The following SLC39A10 variants were observed in gnomAD, a reference collection of about 807,000 sequenced individuals.
The protein encoded by SLC39A10 is solute carrier family 39 member 10.
A neutral mutation model predicts 65.1 loss-of-function variants in SLC39A10; 13 were observed. The observed-to-expected ratio is 0.20, with a 90% CI of 0.13 to 0.32. The LOEUF is 0.32. SLC39A10 is among the 10% of genes least tolerant of loss of function. The probability of loss-of-function intolerance (pLI) is 1.00; values close to 1 mark genes in which losing one functional copy is unlikely to be tolerated. For synonymous variants in SLC39A10, 321 were observed against 342.2 expected (o/e 0.94, Z 0.68); for missense variants, 831 against 1,018.4 (o/e 0.82, Z 2.50).
chr2:195,654,666 G>A (rs1170389150), upstream of SLC39A10, among the ~76,000 whole-genome samples: 1 of 152,076 alleles, frequency 6.6e-6, no homozygotes, highest in East Asian at 1.9e-4. Flanking sequence ...CAAGTGAGGT[G>A]GCTGGAAAAA....
At chr2:195,630,850 C>T (rs1359838058) in intron 2 of SLC39A10, among the ~76,000 whole-genome samples, 1 of 152,186 alleles carries the variant, frequency 6.6e-6, no homozygotes, top group East Asian at 1.9e-4. Flanking sequence ...CTAATTAAAA[C>T]ACCAAACATA....
intron 2 of SLC39A10, among the ~76,000 whole-genome samples, chr2:195,624,622 C>A (rs1422064945): frequency 1.3e-5 from 2 of 150,998 alleles, no homozygotes; most frequent in African/African-American, 2.4e-5. Context: ...CTTCTGTAAT[C>A]CCAGCACTTT....
At chr2:195,635,261 G>A (rs959481488) in intron 2 of SLC39A10, among the ~76,000 whole-genome samples, 1 of 152,178 alleles carries the variant, frequency 6.6e-6, no homozygotes, top group African/African-American at 2.4e-5. Flanking sequence ...GTTAAAAGAA[G>A]AACCTTTCCT....
intron 2 of SLC39A10, among the ~76,000 whole-genome samples, chr2:195,616,274 C>A (rs1688204807): frequency 6.6e-6 from 1 of 151,138 alleles, no homozygotes; most frequent in Non-Finnish European, 1.5e-5. Context: ...AGATTTTAAA[C>A]TGATATTTTA....
intron 2 of SLC39A10, among the ~76,000 whole-genome samples, chr2:195,622,508 G>T (rs1363550863): frequency 6.6e-6 from 1 of 152,228 alleles, no homozygotes; most frequent in Non-Finnish European, 1.5e-5. Flanking sequence ...AATATTTTCT[G>T]TTTGAGGCCA....
chr2:195,662,000 G>A (rs1292420803), intron 1 of SLC39A10, among the ~76,000 whole-genome samples: 1 of 152,206 alleles, frequency 6.6e-6, no homozygotes, highest in South Asian at 2.1e-4. Context: ...GACTTTGGGG[G>A]ACAGCCCATC....
intron 1 of SLC39A10, among the ~76,000 whole-genome samples, chr2:195,671,009 A>G (rs1306047118): frequency 6.6e-6 from 1 of 152,186 alleles, no homozygotes; most frequent in Non-Finnish European, 1.5e-5. Context: ...GTGAAGTGCA[A>G]CCATGTACCC....
chr2:195,730,827 C>T (rs1456198148), intron 9 of SLC39A10, among the ~76,000 whole-genome samples: 3 of 152,202 alleles, frequency 2.0e-5, no homozygotes, highest in African/African-American at 7.2e-5. Flanking sequence ...AAGTCTCCAT[C>T]TCAGAAATGA....
At chr2:195,709,233 ATG>A (rs2105815010) in intron 5 of SLC39A10, among the ~76,000 whole-genome samples, 2 of 151,634 alleles carry the variant, frequency 1.3e-5, no homozygotes, top group East Asian at 3.9e-4. Context: ...GTATGTATGT[ATG>A]TATGTATGTA....
intron 2 of SLC39A10, among the ~76,000 whole-genome samples, chr2:195,683,445 C>T (rs1024398164): frequency 6.6e-6 from 1 of 151,942 alleles, no homozygotes; most frequent in East Asian, 1.9e-4. Flanking sequence ...TCATCCTTAT[C>T]CATGACAGAA....
intron 1 of SLC39A10, among the ~76,000 whole-genome samples, chr2:195,662,622 T>C (rs1689451330): frequency 6.6e-6 from 1 of 152,194 alleles, no homozygotes; most frequent in African/African-American, 2.4e-5. Flanking sequence ...ATTTCAGATA[T>C]TCCTTGCCTT....
intron 1 of SLC39A10, among the ~76,000 whole-genome samples, chr2:195,661,427 C>A (rs1689394614): frequency 6.6e-6 from 1 of 152,042 alleles, no homozygotes; most frequent in Non-Finnish European, 1.5e-5. Context: ...TATATAGAGA[C>A]AAGGATCTTG....
At chr2:195,661,915 T>C (rs544136412) in intron 1 of SLC39A10, among the ~76,000 whole-genome samples, 1 of 152,338 alleles carries the variant, frequency 6.6e-6, no homozygotes, top group Admixed American at 6.5e-5. Context: ...TTTTAGATAC[T>C]GCTGAAAGGG....
chr2:195,640,068 G>A (rs1393465781), intron 2 of SLC39A10, among the ~76,000 whole-genome samples: 1 of 152,180 alleles, frequency 6.6e-6, no homozygotes, highest in African/African-American at 2.4e-5. Context: ...TTTGGGAGCT[G>A]TTTCAATTGG....
rs1208636369 is a variant in SLC39A10, at chr2:195,703,042, C to G, written c.1217-3574C>G. Among the ~76,000 whole-genome samples, 5 of 152,138 alleles carry G rather than the reference C, an allele frequency of 3.3e-5. No individual in the cohort carries two copies. The East Asian group carries it at 9.6e-4, about 29-fold the overall frequency. On this transcript the variant is annotated intron_variant, in intron 3 of 9. Coordinates refer to ENST00000359634, the MANE Select transcript of SLC39A10 (RefSeq NM_020342.3). ...ATTCTTCTTTCAGAGATTCACATTGCTTATTAAACTGTTAGAGGCTCTGAA... is the reference window on the plus strand; with the variant it reads ...ATTCTTCTTTCAGAGATTCACATTGGTTATTAAACTGTTAGAGGCTCTGAA...
chr2:195,687,274 T>C (rs560578194), intron 3 of SLC39A10, among the ~76,000 whole-genome samples: 1 of 152,274 alleles, frequency 6.6e-6, no homozygotes, highest in Non-Finnish European at 1.5e-5. Flanking sequence ...CAGAGAAAAA[T>C]GGAGACTGAC....
intron 8 of SLC39A10, among the ~76,000 whole-genome samples, chr2:195,721,087 G>A (rs181958505): frequency 6.8e-4 from 104 of 152,056 alleles, no homozygotes; most frequent in Admixed American, 2.9e-3. Context: ...GACTACAGGC[G>A]TGCACCACCA....
chr2:195,687,557 T>C (rs763554560), intron 3 of SLC39A10, among the ~76,000 whole-genome samples: 3 of 152,214 alleles, frequency 2.0e-5, no homozygotes, highest in Non-Finnish European at 4.4e-5. Flanking sequence ...ATAGTGAATA[T>C]TGATTAGTTG....
chr2:195,650,390 T>C (rs1211575929), intron 2 of SLC39A10, among the ~76,000 whole-genome samples: 1 of 152,156 alleles, frequency 6.6e-6, no homozygotes, highest in East Asian at 1.9e-4. Flanking sequence ...GCTCTGGCTC[T>C]GAGTTTTTTG....
Sources: gnomAD v4.1 joint callset for allele counts (sites outside exome capture counted in the v4.1 genomes callset) on GRCh38, gnomAD v4.1.1 for gene constraint, MANE v1.5 for transcripts, NCBI Gene and HGNC (gene_info 2026-07-23, HGNC 2026-07-21) for gene names.